The following CADM2 variants were observed in gnomAD, a reference collection of about 807,000 sequenced individuals.
The protein encoded by CADM2 is cell adhesion molecule 2, also known as immunoglobulin superfamily member 4D.
CADM2 carries 12 observed loss-of-function variants against 49.8 expected under a neutral mutation model. The ratio of observed to expected loss-of-function variants is 0.24; its 90% confidence interval spans 0.15 to 0.39. The LOEUF (loss-of-function observed/expected upper bound fraction) is 0.39, where lower values mean the gene tolerates loss of function less well. Ranked by LOEUF, CADM2 falls within the 10% of genes least tolerant of loss-of-function variation. The pLI, the probability that CADM2 is intolerant of heterozygous loss-of-function variation, is 1.00. For missense variants in CADM2, 378 were observed against 492.3 expected (o/e 0.77, Z 2.20); for synonymous variants, 214 against 175.4 (o/e 1.22, Z -1.74).
chr3:85,951,658 A>G lies in CADM2; in HGVS notation c.792-9811A>G, dbSNP rs759841628. 1.6e-4 allele frequency among the ~76,000 whole-genome samples: 24 copies of G among 151,196 alleles called. 1 individual carries two copies. The highest frequency in any genetic ancestry group is 4.2e-4 in the South Asian group (2 of 4,818). On this transcript the variant is annotated intron_variant, in intron 7 of 9. Coordinates refer to ENST00000383699, the MANE Select transcript of CADM2 (RefSeq NM_001167675.2). ...TTTCAACAGATTGGAAAACAACAACAAAAAACCTCCAAGATACAGTAATGA... is the reference window on the plus strand; with the variant it reads ...TTTCAACAGATTGGAAAACAACAACGAAAAACCTCCAAGATACAGTAATGA...
intron 8 of CADM2, among the ~76,000 whole-genome samples, chr3:86,002,288 T>A (rs1418152017): frequency 6.6e-6 from 1 of 152,202 alleles, no homozygotes; most frequent in African/African-American, 2.4e-5. Flanking sequence ...ACGGGATCGA[T>A]GTTGCTCTTT....
intron 1 of CADM2, among the ~76,000 whole-genome samples, chr3:85,384,451 A>G (rs1263609421): frequency 1.3e-5 from 2 of 152,012 alleles, no homozygotes; most frequent in Non-Finnish European, 2.9e-5. Context: ...AGCTGGGATT[A>G]CAGACACCCG....
intron 1 of CADM2, among the ~76,000 whole-genome samples, chr3:85,407,841 G>GCAAA (rs982325135): frequency 2.6e-5 from 4 of 151,454 alleles, no homozygotes; most frequent in African/African-American, 7.3e-5. Context: ...ACAAAACAAA[G>GCAAA]CAAACAAACA....
chr3:85,582,255 C>G (rs1431301534), intron 1 of CADM2, among the ~76,000 whole-genome samples: 1 of 151,898 alleles, frequency 6.6e-6, no homozygotes, highest in Admixed American at 6.6e-5. Flanking sequence ...TAGAGTCACT[C>G]TAAAATTTTG....
chr3:85,594,776 A>C (rs1283203659), intron 1 of CADM2, among the ~76,000 whole-genome samples: 1 of 152,068 alleles, frequency 6.6e-6, no homozygotes, highest in South Asian at 2.1e-4. Context: ...ATAAAATGCT[A>C]TGACAAAGAG....
chr3:85,592,809 C>T (rs6789209), intron 1 of CADM2, among the ~76,000 whole-genome samples: 30,146 of 151,584 alleles, frequency 0.2, 3,771 homozygotes, highest in East Asian at 0.3. Flanking sequence ...CACCCACCAA[C>T]GCGTCATCTA....
rs191244649 is a variant in CADM2 at position 85,864,890 on chromosome 3, C to T, written c.239-18401C>T. Among the ~76,000 whole-genome samples the T allele has an allele frequency of 3.2e-3, 494 of 152,236 alleles. 4 individuals are homozygous for T. Among genetic ancestry groups the T allele is most frequent in the Non-Finnish European group, 5.4e-3 (367 of 68,008 alleles). ...TTTTGCTATCTTTTTTCTAGCCTTT[C>T]TCCTTTTTATTCCAACTCTCACTTC... On this transcript the variant is annotated intron_variant, in intron 3 of 9. Transcript: ENST00000383699.
At chr3:85,120,685 G>C (rs376727034) in intron 1 of CADM2, among the ~76,000 whole-genome samples, 1 of 152,012 alleles carries the variant, frequency 6.6e-6, no homozygotes, top group Non-Finnish European at 1.5e-5. Context: ...TGGGGGGTAG[G>C]GGGCCAGGGG....
intron 1 of CADM2, among the ~76,000 whole-genome samples, chr3:85,034,527 C>G (rs1221205394): frequency 1.3e-5 from 2 of 152,090 alleles, no homozygotes; most frequent in East Asian, 3.9e-4. Flanking sequence ...GCTTCCAAAT[C>G]TTGGCTATTG....
chr3:85,681,366 A>G (rs376554617), intron 1 of CADM2, among the ~76,000 whole-genome samples: 1 of 152,058 alleles, frequency 6.6e-6, no homozygotes, highest in Non-Finnish European at 1.5e-5. Context: ...TTTTGCAAGT[A>G]TATTTTGGAA....
intron 1 of CADM2, among the ~76,000 whole-genome samples, chr3:85,312,314 T>A (rs2044364723): frequency 6.6e-6 from 1 of 152,166 alleles, no homozygotes; most frequent in Non-Finnish European, 1.5e-5. Context: ...TTTTTAGTAT[T>A]AAAATTTAAG....
chr3:85,738,103 G>C (rs1408073530), intron 2 of CADM2, among the ~76,000 whole-genome samples: 11 of 151,718 alleles, frequency 7.3e-5, no homozygotes, highest in Non-Finnish European at 1.2e-4. Flanking sequence ...AGTTATCTTG[G>C]GAAAGACAAT....
intron 1 of CADM2, among the ~76,000 whole-genome samples, chr3:85,160,649 T>A (rs2040293987): frequency 6.6e-6 from 1 of 152,240 alleles, no homozygotes; most frequent in Admixed American, 6.5e-5. Context: ...GAGATCAAAT[T>A]TAAAAACATT....
At chr3:85,261,116 AT>A in intron 1 of CADM2, among the ~76,000 whole-genome samples, 1 of 151,542 alleles carries the variant, frequency 6.6e-6, no homozygotes, top group Middle Eastern at 3.4e-3. Context: ...ATGTTTTTAC[AT>A]TTTTCTTTCT....
intron 8 of CADM2, among the ~76,000 whole-genome samples, chr3:86,057,807 A>G (rs73843589): frequency 0.066 from 10,066 of 152,130 alleles, 890 homozygotes; most frequent in African/African-American, 0.2. Flanking sequence ...TTTAGCATGG[A>G]TGGGCATTGG....
intron 1 of CADM2, among the ~76,000 whole-genome samples, chr3:85,136,572 A>T (rs2039419472): frequency 6.6e-6 from 1 of 152,124 alleles, no homozygotes; most frequent in African/African-American, 2.4e-5. Context: ...TTTCTAGACT[A>T]TTCACATACA....
chr3:85,396,652 A>G (rs1026176749), intron 1 of CADM2, among the ~76,000 whole-genome samples: 1 of 152,064 alleles, frequency 6.6e-6, no homozygotes, highest in African/African-American at 2.4e-5. Flanking sequence ...TGTTGAAAAT[A>G]ATAAGCCAAT....
chr3:85,952,993 T>G (rs1045749423), intron 7 of CADM2, among the ~76,000 whole-genome samples: 4 of 150,822 alleles, frequency 2.7e-5, no homozygotes, highest in African/African-American at 9.7e-5. Flanking sequence ...ACTTTATTTT[T>G]TTTTTCTTAC....
chr3:85,182,183 A>G (rs1301095027), intron 1 of CADM2, among the ~76,000 whole-genome samples: 2 of 152,134 alleles, frequency 1.3e-5, no homozygotes, highest in East Asian at 3.9e-4. Context: ...GGTGCTTTTA[A>G]CATACATCCA....
Sources: gnomAD v4.1 joint callset for allele counts (sites outside exome capture counted in the v4.1 genomes callset) on GRCh38, gnomAD v4.1.1 for gene constraint, MANE v1.5 for transcripts, NCBI Gene and HGNC (gene_info 2026-07-23, HGNC 2026-07-21) for gene names.